Variants in PHKB observed in about 807,000 individuals in gnomAD.
PHKB encodes the protein phosphorylase b kinase regulatory subunit beta.
Under a neutral mutation model 152.1 loss-of-function variants are expected in PHKB, and 122 were observed. The ratio of observed to expected loss-of-function variants is 0.80; its 90% CI spans 0.69 to 0.93. The LOEUF is 0.93. Ranked by LOEUF, PHKB falls within the 40% of genes least tolerant of loss-of-function variation. The pLI is 0.00. For synonymous variants in PHKB, 436 were observed against 464.9 expected (o/e 0.94, Z 0.80); for missense variants, 1,304 against 1,328.4 (o/e 0.98, Z 0.29).
intron 6 of PHKB, among the ~76,000 whole-genome samples, chr16:47,523,961 T>C (rs1198174796): frequency 6.6e-6 from 1 of 152,176 alleles, no homozygotes; most frequent in Non-Finnish European, 1.5e-5. Flanking sequence ...TGGTTTTTCA[T>C]GTGTACTATG....
In PHKB at chr16:47,650,697, G is replaced by A. The variant is rs752794897; in HGVS notation, c.1880+71G>A. 3.9e-6 allele frequency: 5 copies of A among 1,284,186 alleles called. No homozygotes were observed. The South Asian group carries it at 4.7e-5, about 12-fold the overall frequency. The allele number at this position is 1,284,186 out of a possible 1,614,324, so 79.5% of individuals were successfully genotyped here. A position where few individuals can be genotyped will look rare whatever the true frequency, so the allele number is the denominator to read the frequency against. ...ACACAGTGAGCCCTTGGGAAGAAAGGCCTCCTTGGATGTTTTTGTATCCTT... is the reference window on the plus strand; with the variant it reads ...ACACAGTGAGCCCTTGGGAAGAAAGACCTCCTTGGATGTTTTTGTATCCTT... On this transcript the variant is annotated intron_variant, in intron 19 of 30. Coordinates refer to ENST00000323584, the MANE Select transcript of PHKB (RefSeq NM_000293.3).
At chr16:47,473,848 C>A (rs1442762506) in intron 1 of PHKB, among the ~76,000 whole-genome samples, 1 of 152,178 alleles carries the variant, frequency 6.6e-6, no homozygotes, top group Non-Finnish European at 1.5e-5. Context: ...TCTGGCCCCT[C>A]ACATACTTAC....
In PHKB at chr16:47,587,676, G is replaced by A. The variant is rs752605847; in HGVS notation, c.783G>A (p.Ser261=). The part of the protein sequence containing the change: ...GFNLFGNQGC[S]WSVIFVDLDA... ...TCTTTTTCTCTGTCCAGGGCTGTTC[G>A]TGGTCAGTTATATTTGTGGATCTCG... Residue 261 remains serine (S), a synonymous_variant, in exon 9 of 31, where the codon TCG becomes TCA. Transcript: ENST00000323584. 24 of 1,611,976 alleles carry A rather than the reference G, an allele frequency of 1.5e-5. No homozygotes were observed. Among genetic ancestry groups the A allele is most frequent in the South Asian group, 8.8e-5 (8 of 91,046 alleles).
chr16:47,549,767 C>T (rs558307340), intron 7 of PHKB, among the ~76,000 whole-genome samples: 4 of 152,080 alleles, frequency 2.6e-5, no homozygotes, highest in Non-Finnish European at 5.9e-5. Context: ...ACTACTGACC[C>T]TAGAAAGTGA....
At chr16:47,532,330 T>G (rs952915612) in intron 6 of PHKB, among the ~76,000 whole-genome samples, 1 of 152,232 alleles carries the variant, frequency 6.6e-6, no homozygotes, top group Non-Finnish European at 1.5e-5. Flanking sequence ...GTTCAGCGTT[T>G]AGATGATACC....
At chr16:47,558,162 C>G (rs1010075270) in intron 7 of PHKB, among the ~76,000 whole-genome samples, 2 of 147,702 alleles carry the variant, frequency 1.4e-5, no homozygotes, top group African/African-American at 5.0e-5. Context: ...CATGTTCTCA[C>G]TCATAGGTGG....
chr16:47,697,501 A>C (rs1436982082), intron 29 of PHKB, among the ~76,000 whole-genome samples: 1 of 152,246 alleles, frequency 6.6e-6, no homozygotes, highest in East Asian at 1.9e-4. Context: ...CCCTTTGCAG[A>C]AGACACTTTC....
intron 6 of PHKB, among the ~76,000 whole-genome samples, chr16:47,519,627 G>A (rs1970653125): frequency 6.6e-6 from 1 of 152,158 alleles, no homozygotes. Flanking sequence ...AGTGATCCAA[G>A]AAAACGAGAT....
intron 14 of PHKB, among the ~76,000 whole-genome samples, chr16:47,632,409 G>A (rs1265430149): frequency 2.0e-5 from 3 of 152,118 alleles, no homozygotes; most frequent in Non-Finnish European, 2.9e-5. Flanking sequence ...AAATGAGGAC[G>A]TGTTCTATGT....
chr16:47,622,853 C>G (rs980295750), intron 14 of PHKB, among the ~76,000 whole-genome samples: 4 of 152,180 alleles, frequency 2.6e-5, no homozygotes, highest in Non-Finnish European at 4.4e-5. Flanking sequence ...TACACTTGGT[C>G]TCTCATTTTT....
chr16:47,632,684 GAATT>G (rs1220543961), intron 14 of PHKB, among the ~76,000 whole-genome samples: 1 of 152,060 alleles, frequency 6.6e-6, no homozygotes, highest in Non-Finnish European at 1.5e-5. Flanking sequence ...CCTTATGAAT[GAATT>G]ATCTGTTGAA....
Position 47,593,879 on chromosome 16 carries a change from CTG to C in PHKB, c.1127-256_1127-255del, listed in dbSNP as rs760752167. On this transcript the variant is annotated intron_variant, in intron 11 of 30. Coordinates refer to ENST00000323584, the MANE Select transcript of PHKB (RefSeq NM_000293.3). ...CTGTAATCCATGATAATGTGAATGT[CTG>C]TAACATTTATACTTAGGAATAGGGA... Among the ~76,000 whole-genome samples the C allele has an allele frequency of 4.6e-5, 7 of 152,098 alleles. No individual in the cohort carries two copies. In the East Asian group the frequency reaches 5.8e-4, roughly 13 times the overall value.
chr16:47,511,148 T>A (rs1315503200), intron 4 of PHKB, among the ~76,000 whole-genome samples: 1 of 152,142 alleles, frequency 6.6e-6, no homozygotes, highest in African/African-American at 2.4e-5. Context: ...GAGAGTACAA[T>A]ATATATGGAA....
intron 28 of PHKB, 81 bp from the exon 29 acceptor site, chr16:47,696,300 G>T: frequency 1.3e-6 from 1 of 788,568 alleles, no homozygotes; most frequent in South Asian, 1.4e-5. Flanking sequence ...AACTATTAAT[G>T]ATTAGAAAAT....
At chr16:47,693,811 A>G (rs1051501417) in intron 28 of PHKB, among the ~76,000 whole-genome samples, 1 of 152,172 alleles carries the variant, frequency 6.6e-6, no homozygotes, top group Non-Finnish European at 1.5e-5. Flanking sequence ...CATATTTTAG[A>G]TATTTTGAGG....
intron 14 of PHKB, chr16:47,619,421 A>G (rs1009558797): frequency 2.6e-5 from 4 of 152,350 alleles, no homozygotes; most frequent in Non-Finnish European, 5.9e-5. Context: ...ATGCCCCATC[A>G]GTACAAAATG....
chr16:47,648,584 G>T lies in PHKB; in HGVS notation c.1660G>T (p.Asp554Tyr), dbSNP rs1460309537. Reference protein sequence around the residue: ...NEKLGLSGRPDRPIGCLGTSK... With the variant: ...NEKLGLSGRPYRPIGCLGTSK... ...AAAGTTAGGACTCTCTGGAAGGCCA[G>T]ACAGGCCCATTGGCTGCCTCGGGAC... Residue 554 changes from aspartate to tyrosine, a missense_variant, in exon 17 of 31, where the codon GAC (aspartate) becomes TAC (tyrosine). Asp to Tyr is a radical substitution (Grantham distance 160). Transcript: ENST00000323584. 1.2e-6 allele frequency: 2 copies of T among 1,613,374 alleles called. No individual in the cohort carries two copies. The highest frequency in any genetic ancestry group is 1.7e-6 in the Non-Finnish European group (2 of 1,179,380).
chr16:47,557,204 C>T (rs1971389189), intron 7 of PHKB, among the ~76,000 whole-genome samples: 1 of 152,134 alleles, frequency 6.6e-6, no homozygotes, highest in Admixed American at 6.5e-5. Context: ...AACTGGATCC[C>T]TTCCTTACAC....
chr16:47,617,748 A>G lies in PHKB; in HGVS notation c.1458+6828A>G, dbSNP rs534144359. On this transcript the variant is annotated intron_variant, in intron 14 of 30. Coordinates refer to ENST00000323584, the MANE Select transcript of PHKB (RefSeq NM_000293.3). ...AGTAGTCTGCTACTCCCACCATCCC[A>G]TCCAGAGGTGACGGAAATGTGATGG... Among the ~76,000 whole-genome samples the G allele has an allele frequency of 1.0e-3, 152 of 152,276 alleles. 1 individual carries two copies. The highest frequency in any genetic ancestry group is 3.5e-3 in the African/African-American group (145 of 41,564).
Sources: allele counts gnomAD v4.1 joint callset (sites outside exome capture counted in the v4.1 genomes callset), GRCh38; gene constraint gnomAD v4.1.1; transcripts MANE v1.5; gene names NCBI Gene and HGNC (gene_info 2026-07-23, HGNC 2026-07-21).